Variants in LOXHD1 observed in about 807,000 individuals in gnomAD.
The protein encoded by LOXHD1 is lipoxygenase homology domain-containing protein 1.
LOXHD1 carries 205 observed loss-of-function variants against 248.2 expected under a neutral mutation model. The ratio of observed to expected loss-of-function variants is 0.83; its 90% CI spans 0.74 to 0.93. The LOEUF is 0.93. LOXHD1 is among the 40% of genes least tolerant of loss of function. The probability of loss-of-function intolerance (pLI) is 0.00; values close to 1 mark genes in which losing one functional copy is unlikely to be tolerated. For missense variants in LOXHD1, 2,930 were observed against 2,971.6 expected (o/e 0.99, Z 0.33); for synonymous variants, 1,113 against 1,162.8 (o/e 0.96, Z 0.87).
intron 38 of LOXHD1, among the ~76,000 whole-genome samples, chr18:46,487,337 C>G (rs967088037): frequency 6.6e-6 from 1 of 152,114 alleles, no homozygotes; most frequent in Non-Finnish European, 1.5e-5. Flanking sequence ...CAGGTTGTAC[C>G]AAGAGGGAAA....
intron 10 of LOXHD1, among the ~76,000 whole-genome samples, chr18:46,593,286 T>C (rs1374469298): frequency 1.3e-5 from 2 of 152,228 alleles, no homozygotes; most frequent in Admixed American, 1.3e-4. Context: ...CACTAAGTGT[T>C]CTCAGGGTCT....
At chr18:46,626,391 T>A (rs1964538) in intron 4 of LOXHD1, among the ~76,000 whole-genome samples, 13,311 of 152,024 alleles carry the variant, frequency 0.088, 648 homozygotes, top group East Asian at 0.14. Context: ...ACACAAAATT[T>A]GCCAGGTGTG....
downstream of LOXHD1, chr18:46,477,069 ATT>A: frequency 1.4e-6 from 1 of 694,020 alleles, no homozygotes; most frequent in Non-Finnish European, 2.7e-6. Flanking sequence ...GTTGGTAATA[ATT>A]TAATTAGCCT....
intron 26 of LOXHD1, among the ~76,000 whole-genome samples, chr18:46,536,227 C>T (rs1000022753): frequency 3.3e-5 from 5 of 152,146 alleles, no homozygotes; most frequent in Non-Finnish European, 2.9e-5. Flanking sequence ...TTCTCAATAA[C>T]TCTTAGCTAT....
intron 7 of LOXHD1, among the ~76,000 whole-genome samples, chr18:46,602,558 G>T (rs931944999): frequency 6.6e-6 from 1 of 151,922 alleles, no homozygotes; most frequent in African/African-American, 2.4e-5. Flanking sequence ...TTTAAGCCTT[G>T]TTAATTCCCC....
chr18:46,566,433 A>G lies in LOXHD1; in HGVS notation c.2261T>C (p.Ile754Thr). 3.9e-6 allele frequency: 6 copies of G among 1,550,160 alleles called. No homozygotes were observed. The highest frequency in any genetic ancestry group is 5.2e-6 in the Non-Finnish European group (6 of 1,146,940). Residue 754 changes from isoleucine to threonine, a missense_variant, in exon 17 of 41, where the codon ATT becomes ACT. Transcript: ENST00000642948. ...ATGCATGCCAGTGCTGTCATGCCCA[A>G]TCACCAGCCGGTTGATCTGAAGGAA... ...LNIGNINRLV[I>T]GHDSTGMHAS... is the part of the protein sequence containing the mutation.
Position 46,649,269 on chromosome 18 carries a change from A to C in LOXHD1, c.131T>G (p.Val44Gly). 6.4e-7 allele frequency: 1 copy of C among 1,550,992 alleles called. No individual in the cohort carries two copies. Residue 44 changes from valine to glycine, a missense_variant and splice_region_variant, in exon 2 of 41, where the codon GTG becomes GGG. By Grantham distance (109) the Val-to-Gly change is moderately radical. Coordinates refer to ENST00000642948, the MANE Select transcript of LOXHD1 (RefSeq NM_001384474.1). Reference protein sequence around the residue: ...ELEHEYYKARVYEVVTATGDV... With the variant: ...ELEHEYYKARGYEVVTATGDV... ...CCCCGTGGCTGTGACCACTTCATAC[A>C]CTGGAGGAGGAGAGGAGGAGACAGA...
intron 14 of LOXHD1, 111 bp downstream of exon 14, chr18:46,577,596 G>T (rs2037882567): frequency 7.9e-7 from 1 of 1,272,554 alleles, no homozygotes; most frequent in South Asian, 1.5e-5. Context: ...ACCAGCTATA[G>T]CCTTAAGCCA....
At chr18:46,569,043 A>T (rs2037698149) in intron 16 of LOXHD1, among the ~76,000 whole-genome samples, 1 of 152,110 alleles carries the variant, frequency 6.6e-6, no homozygotes, top group South Asian at 2.1e-4. Flanking sequence ...GAAATTGGGA[A>T]GTATTTTTAG....
At chr18:46,587,656 T>G (rs1209193008) in intron 12 of LOXHD1, among the ~76,000 whole-genome samples, 1 of 152,250 alleles carries the variant, frequency 6.6e-6, no homozygotes, top group African/African-American at 2.4e-5. Context: ...CTCTTTACTT[T>G]AATTTTAAAA....
At chr18:46,547,801 C>T (rs1377417008) in intron 21 of LOXHD1, among the ~76,000 whole-genome samples, 1 of 152,182 alleles carries the variant, frequency 6.6e-6, no homozygotes, top group Non-Finnish European at 1.5e-5. Flanking sequence ...CCAATAGTTA[C>T]AAAATCCCTA....
chr18:46,580,915 A>G (rs1197319421), intron 12 of LOXHD1, among the ~76,000 whole-genome samples: 1 of 152,156 alleles, frequency 6.6e-6, no homozygotes, highest in Non-Finnish European at 1.5e-5. Flanking sequence ...GCTGGAGTAG[A>G]AGGAATGGGA....
intron 34 of LOXHD1, among the ~76,000 whole-genome samples, chr18:46,512,847 T>C (rs1255926662): frequency 6.6e-6 from 1 of 152,246 alleles, no homozygotes. Flanking sequence ...AATGGAATAC[T>C]ATGCAGCAAT....
intron 4 of LOXHD1, among the ~76,000 whole-genome samples, chr18:46,636,565 A>C (rs2038895493): frequency 6.6e-6 from 1 of 152,234 alleles, no homozygotes; most frequent in Non-Finnish European, 1.5e-5. Flanking sequence ...AGTGATTGCC[A>C]GCCAGAACTT....
At chr18:46,557,993 G>A (rs1416650688) in intron 20 of LOXHD1, 3 of 1,009,802 alleles carry the variant, frequency 3.0e-6, no homozygotes, top group Non-Finnish European at 3.6e-6. Flanking sequence ...GGGCCATATG[G>A]ATCACACCAT....
intron 39 of LOXHD1, 106 bp downstream of exon 39, chr18:46,484,913 G>C (rs536397190): frequency 3.6e-6 from 5 of 1,371,714 alleles, no homozygotes; most frequent in Non-Finnish European, 4.0e-6. Flanking sequence ...GTACTTGCTG[G>C]TTAGGCCCAT....
intron 17 of LOXHD1, among the ~76,000 whole-genome samples, chr18:46,565,217 T>G (rs1038718155): frequency 2.6e-5 from 4 of 151,338 alleles, no homozygotes; most frequent in African/African-American, 4.9e-5. Context: ...GCTGAGATTG[T>G]GCCACTGCAC....
chr18:46,524,978 C>T, intron 29 of LOXHD1, 61 bp from the exon 30 acceptor site: 4 of 1,526,530 alleles, frequency 2.6e-6, no homozygotes, highest in African/African-American at 1.4e-5. Flanking sequence ...CCCACTCCAG[C>T]CCCACCCTTC....
At chr18:46,486,961 T>G (rs1475904949) in intron 38 of LOXHD1, among the ~76,000 whole-genome samples, 1 of 152,152 alleles carries the variant, frequency 6.6e-6, no homozygotes, top group Non-Finnish European at 1.5e-5. Context: ...CGAAGCGGCT[T>G]GATAAAAATG....
Sources: gnomAD v4.1 joint callset for allele counts (sites outside exome capture counted in the v4.1 genomes callset) on GRCh38, gnomAD v4.1.1 for gene constraint, MANE v1.5 for transcripts, NCBI Gene and HGNC (gene_info 2026-07-23, HGNC 2026-07-21) for gene names.